SMOC2: variants seen among roughly 807,000 people sequenced by gnomAD.
The protein encoded by SMOC2 is SPARC-related modular calcium-binding protein 2.
Under a neutral mutation model 61.4 loss-of-function variants are expected in SMOC2, and 39 were observed. The observed-to-expected ratio is 0.64, with a 90% CI of 0.49 to 0.83. The LOEUF is 0.83. Ranked by LOEUF, SMOC2 falls within the 40% of genes least tolerant of loss-of-function variation. SMOC2 has a pLI of 0.00. For missense variants in SMOC2, 556 were observed against 592.9 expected (o/e 0.94, Z 0.65); for synonymous variants, 247 against 239.9 (o/e 1.03, Z -0.27).
intron 2 of SMOC2, among the ~76,000 whole-genome samples, chr6:168,522,631 C>T (rs185846788): frequency 8.3e-4 from 127 of 152,202 alleles, no homozygotes; most frequent in African/African-American, 2.7e-3. Context: ...ATGGTGTAGA[C>T]ATGCATGAAC....
intron 7 of SMOC2, among the ~76,000 whole-genome samples, chr6:168,568,385 A>G (rs1310512503): frequency 2.0e-5 from 3 of 152,124 alleles, no homozygotes; most frequent in Non-Finnish European, 4.4e-5. Flanking sequence ...GAGCACCCAC[A>G]CCTCCACCAC....
intron 7 of SMOC2, among the ~76,000 whole-genome samples, chr6:168,552,245 CTT>C (rs1784144512): frequency 6.6e-6 from 1 of 152,102 alleles, no homozygotes; most frequent in African/African-American, 2.4e-5. Flanking sequence ...AATGACCACT[CTT>C]ATTGAAATTT....
chr6:168,458,114 T>A (rs1447821169), intron 1 of SMOC2, among the ~76,000 whole-genome samples: 1 of 152,176 alleles, frequency 6.6e-6, no homozygotes, highest in Non-Finnish European at 1.5e-5. Context: ...AATCCTGCAG[T>A]GTGACCCAGA....
intron 2 of SMOC2, among the ~76,000 whole-genome samples, chr6:168,511,090 C>T (rs1368576488): frequency 6.6e-6 from 1 of 152,128 alleles, no homozygotes; most frequent in East Asian, 1.9e-4. Context: ...AGTAATGATG[C>T]TGGGACATTC....
At chr6:168,614,400 A>AGG (rs565613846) in intron 9 of SMOC2, among the ~76,000 whole-genome samples, 1 of 96,280 alleles carries the variant, frequency 1.0e-5, no homozygotes, top group African/African-American at 4.4e-5. Context: ...CAGCCAGCAC[A>AGG]GGGCCTCTTT....
intron 8 of SMOC2, among the ~76,000 whole-genome samples, chr6:168,603,126 G>C (rs1014318606): frequency 3.5e-5 from 5 of 142,030 alleles, no homozygotes; most frequent in African/African-American, 1.3e-4. Context: ...TCCCCTGCTT[G>C]CACTCACTCC....
rs190177114 is a variant in SMOC2 at position 168,474,971 on chromosome 6, A to G, written c.84+33517A>G. Among the ~76,000 whole-genome samples, 274 of 152,274 alleles carry G rather than the reference A, an allele frequency of 1.8e-3. 2 individuals are homozygous for G. Among genetic ancestry groups the G allele is most frequent in the South Asian group, 4.1e-3 (20 of 4,828 alleles). ...ATACCATACTGCTGACTACCTAGAA[A>G]GCTTCTCATCTAGAACTAAGGATTC... On this transcript the variant is annotated intron_variant, in intron 1 of 12. Transcript: ENST00000356284.
chr6:168,660,556 C>A (rs546942725), intron 11 of SMOC2, among the ~76,000 whole-genome samples: 1 of 152,354 alleles, frequency 6.6e-6, no homozygotes, highest in South Asian at 2.1e-4. Context: ...TGGCTTAGGA[C>A]CCAAGCGTTT....
rs531569777 is a variant in SMOC2 at position 168,462,169 on chromosome 6, A to G, written c.84+20715A>G. Among the ~76,000 whole-genome samples, 3 of 151,990 alleles carry G rather than the reference A, an allele frequency of 2.0e-5. No individual in the cohort carries two copies. In the East Asian group the frequency reaches 5.8e-4, roughly 30 times the overall value. On this transcript the variant is annotated intron_variant, in intron 1 of 12. Transcript: ENST00000356284. ...CCTTAACTTTGAGGCACACTTTTTC[A>G]TTACTGAGTGATTTAGATCCCTAGA... is the stretch of plus-strand genomic sequence containing the variant.
At chr6:168,566,994 A>G (rs1784560219) in intron 7 of SMOC2, among the ~76,000 whole-genome samples, 1 of 152,202 alleles carries the variant, frequency 6.6e-6, no homozygotes, top group Admixed American at 6.5e-5. Flanking sequence ...ACCACAAAGC[A>G]TTCTCTCTAA....
At chr6:168,447,271 A>C (rs1454391189) in intron 1 of SMOC2, among the ~76,000 whole-genome samples, 1 of 151,952 alleles carries the variant, frequency 6.6e-6, no homozygotes, top group East Asian at 1.9e-4. Context: ...AGGTTTTGCC[A>C]TGCTGTCCAG....
At position 168,543,652 on chromosome 6, in the gene SMOC2, G is replaced by A. The variant is rs544718652; in HGVS notation, c.491G>A (p.Arg164His). The change falls in exon 5 of 13, where the codon CGC (arginine) becomes CAC (histidine). Residue 164 changes from arginine to histidine, a missense_variant. By Grantham distance (29) the Arg-to-His change is conservative. Coordinates refer to ENST00000356284, the MANE Select transcript of SMOC2 (RefSeq NM_001166412.2). ...TCCGTAAATGAAAAGTTACCCCAACGCGAAGGCACAGGAAAAACAGGTAAC... is the reference window on the plus strand; with the variant it reads ...TCCGTAAATGAAAAGTTACCCCAACACGAAGGCACAGGAAAAACAGGTAAC... Reference protein sequence around the residue: ...PGSVNEKLPQREGTGKTDDAA... With the variant: ...PGSVNEKLPQHEGTGKTDDAA... The A allele has an allele frequency of 1.5e-4, 237 of 1,613,666 alleles. 4 individuals carry two copies. In the South Asian group the frequency reaches 2.0e-3, roughly 14 times the overall value.
intron 7 of SMOC2, among the ~76,000 whole-genome samples, chr6:168,559,893 C>G (rs1025069006): frequency 6.6e-6 from 1 of 152,148 alleles, no homozygotes; most frequent in Non-Finnish European, 1.5e-5. Flanking sequence ...CAAGTGCTGA[C>G]TGATGAGGAC....
intron 1 of SMOC2, among the ~76,000 whole-genome samples, chr6:168,478,002 C>T (rs1055448314): frequency 1.3e-5 from 2 of 152,130 alleles, no homozygotes; most frequent in Non-Finnish European, 2.9e-5. Context: ...CCCTTTTATC[C>T]ACCAGAGGTA....
chr6:168,533,784 A>G (rs1241779219), intron 4 of SMOC2, among the ~76,000 whole-genome samples: 1 of 152,236 alleles, frequency 6.6e-6, no homozygotes, highest in African/African-American at 2.4e-5. Flanking sequence ...CATTGAAAGA[A>G]ATGTGAAAGA....
chr6:168,441,584 G>A (rs1781209101), intron 1 of SMOC2, 130 bp downstream of exon 1: 1 of 1,268,746 alleles, frequency 7.9e-7, no homozygotes, highest in Non-Finnish European at 1.0e-6. Context: ...CGGGGGCCGT[G>A]GAGCCTTCGC....
chr6:168,541,831 C>G (rs546567404), intron 4 of SMOC2, among the ~76,000 whole-genome samples: 4 of 152,116 alleles, frequency 2.6e-5, no homozygotes, highest in Non-Finnish European at 4.4e-5. Context: ...TGCAAGGGCC[C>G]GAAGAGAAAG....
intron 9 of SMOC2, among the ~76,000 whole-genome samples, chr6:168,639,915 G>C (rs554853698): frequency 4.8e-4 from 73 of 152,340 alleles, no homozygotes; most frequent in African/African-American, 1.7e-3. Flanking sequence ...CCTCCTGAGA[G>C]GGAGCCCTCG....
rs2609287 is a variant in SMOC2 at position 168,527,571 on chromosome 6, C to T, written c.364-57C>T. Reference sequence around the variant, plus strand: ...CAGAAAGCAGAGTGGGCCTCGCAGCCGTGAGGCGCTGCGCCACGGGCCCGG... The same window carrying T: ...CAGAAAGCAGAGTGGGCCTCGCAGCTGTGAGGCGCTGCGCCACGGGCCCGG... On this transcript the variant is annotated intron_variant, in intron 3 of 12. Coordinates refer to ENST00000356284, the MANE Select transcript of SMOC2 (RefSeq NM_001166412.2). The T allele has an allele frequency of 0.61, 786,971 of 1,290,580 alleles. 252,250 individuals carry two copies. Among genetic ancestry groups the T allele is most frequent in the Non-Finnish European group, 0.68 (618,445 of 912,986 alleles). The allele number at this position is 1,290,580 out of a possible 1,614,324, so 79.9% of individuals were successfully genotyped here. A position where few individuals can be genotyped will look rare whatever the true frequency, so the allele number is the denominator to read the frequency against.
Sources: gnomAD v4.1 joint callset for allele counts (sites outside exome capture counted in the v4.1 genomes callset) on GRCh38, gnomAD v4.1.1 for gene constraint, MANE v1.5 for transcripts, NCBI Gene and HGNC (gene_info 2026-07-23, HGNC 2026-07-21) for gene names.